NAB1: variants seen among roughly 807,000 people sequenced by gnomAD.
NAB1 encodes the protein NGFI-A-binding protein 1.
Under a neutral mutation model 49.9 loss-of-function variants are expected in NAB1, and 25 were observed. The observed-to-expected ratio is 0.50, with a 90% confidence interval of 0.37 to 0.70. The LOEUF is 0.70. Ranked by LOEUF, NAB1 falls within the 30% of genes least tolerant of loss-of-function variation. The pLI is 0.00. For synonymous variants in NAB1, 198 were observed against 215.6 expected, an observed-to-expected ratio of 0.92 and a Z score of 0.71; for missense variants, 489 against 575.9, an observed-to-expected ratio of 0.85 and a Z score of 1.54.
intron 2 of NAB1, among the ~76,000 whole-genome samples, chr2:190,650,951 A>G (rs1174483975): frequency 3.3e-5 from 5 of 152,206 alleles, no homozygotes; most frequent in African/African-American, 1.2e-4. Flanking sequence ...TTCTGGAAGA[A>G]GCTTTCTTGT....
Position 190,659,558 on chromosome 2 carries a change from C to T in NAB1, c.382C>T (p.Pro128Ser). The change falls in exon 4 of 10, where the codon CCC becomes TCC. Residue 128 changes from proline to serine, a missense_variant. By Grantham distance (74) the Pro-to-Ser change is moderately conservative. Transcript: ENST00000337386. The surrounding 1 kb of genome is among the most constrained non-coding windows in gnomAD (Gnocchi z 6.2). The part of the protein sequence containing the change: ...SNAREPHLKI[P>S]KCAATTCVQS... ...TGCCCGGGAACCTCATTTAAAAATC[C>T]CCAAATGTGCTGCCACCACCTGTGT... The T allele has an allele frequency of 6.2e-7, 1 of 1,614,186 alleles. No homozygotes were observed. Among genetic ancestry groups the T allele is most frequent in the Non-Finnish European group, 8.5e-7 (1 of 1,180,038 alleles).
intron 4 of NAB1, among the ~76,000 whole-genome samples, chr2:190,661,171 T>C (rs889868338): frequency 6.6e-6 from 1 of 152,198 alleles, no homozygotes; most frequent in Non-Finnish European, 1.5e-5. Flanking sequence ...GCTCAACTGA[T>C]AGAACTGTCT....
In NAB1 at chr2:190,654,166, C is replaced by T. The variant is rs1187200679; in HGVS notation, c.-196-1811C>T. Reference sequence around the variant, plus strand: ...AAAGAGTAATGAAACCTAATTCCTACCCTTGGGGTGCTTATAACCTAACAG... The same window carrying T: ...AAAGAGTAATGAAACCTAATTCCTATCCTTGGGGTGCTTATAACCTAACAG... On this transcript the variant is annotated intron_variant, in intron 2 of 9. Coordinates refer to ENST00000337386, the MANE Select transcript of NAB1 (RefSeq NM_005966.4). The surrounding 1 kb of genome is among the most constrained non-coding windows in gnomAD (Gnocchi z 5.6). Among the ~76,000 whole-genome samples the T allele has an allele frequency of 2.0e-5, 3 of 152,158 alleles. No homozygotes were observed. Among genetic ancestry groups the T allele is most frequent in the Non-Finnish European group, 4.4e-5 (3 of 68,026 alleles).
In NAB1 at chr2:190,689,062, G is replaced by C. The variant is rs541914571; in HGVS notation, c.1376-1183G>C. Among the ~76,000 whole-genome samples the C allele has an allele frequency of 6.6e-5, 10 of 152,150 alleles. No homozygotes were observed. Among genetic ancestry groups the C allele is most frequent in the African/African-American group, 2.2e-4 (9 of 41,508 alleles). ...ACCGTGGTCTCAATCTCCTGACCTT[G>C]TGATCCGCCCGCCTCGGCCCCACAA... is the stretch of plus-strand genomic sequence containing the variant. On this transcript the variant is annotated intron_variant, in intron 9 of 9. Coordinates refer to ENST00000337386, the MANE Select transcript of NAB1 (RefSeq NM_005966.4). This position sits in a 1 kb window ranked among gnomAD's most constrained non-coding sequence, Gnocchi z 4.3.
rs1695951866 is a variant in NAB1 at position 190,691,926 on chromosome 2, GA to G, written c.*1595del. 1 of 152,678 alleles carries G rather than the reference GA, an allele frequency of 6.5e-6. No homozygotes were observed. The highest frequency in any genetic ancestry group is 1.9e-4 in the East Asian group (1 of 5,190). 9.5% of individuals were successfully genotyped at this position (152,678 alleles called of 1,614,324 possible). A position where few individuals can be genotyped will look rare whatever the true frequency, so the allele number is the denominator to read the frequency against. ...AATTGCTTCTTCATTTTAATTTGTA[GA>G]AGTACTTTACAGTAGGAAACGCCAG... On this transcript the variant is annotated 3_prime_UTR_variant, in exon 10 of 10. Coordinates refer to ENST00000337386, the MANE Select transcript of NAB1 (RefSeq NM_005966.4). This position sits in a 1 kb window ranked among gnomAD's most constrained non-coding sequence, Gnocchi z 4.1.
chr2:190,688,571 C>T (rs761408533), intron 9 of NAB1, among the ~76,000 whole-genome samples: 5 of 152,024 alleles, frequency 3.3e-5, no homozygotes, highest in South Asian at 2.1e-4. Flanking sequence ...GAACAAAAAA[C>T]GACTTTTTAC....
In NAB1 at chr2:190,651,827, G is replaced by A. The variant is rs1323482353; in HGVS notation, c.-197+1845G>A. 6.6e-6 allele frequency among the ~76,000 whole-genome samples: 1 copy of A among 152,150 alleles called. No individual in the cohort carries two copies. Among genetic ancestry groups the A allele is most frequent in the African/African-American group, 2.4e-5 (1 of 41,426 alleles). ...ACCATTTTATAATATGTTTTGAACA[G>A]TTTAAGATCATGCTAATGTATAATC... On this transcript the variant is annotated intron_variant, in intron 2 of 9. Coordinates refer to ENST00000337386, the MANE Select transcript of NAB1 (RefSeq NM_005966.4). This position sits in a 1 kb window ranked among gnomAD's most constrained non-coding sequence, Gnocchi z 4.3.
chr2:190,664,586 CTTTTTTTTTTTTTT>C (rs71027237), intron 4 of NAB1, among the ~76,000 whole-genome samples: 18 of 61,092 alleles, frequency 2.9e-4, no homozygotes, highest in African/African-American at 1.1e-3. Context: ...TTCTTCTTTC[CTTTTTTTTTTTTTT>C]TTTTTTTTTT....
At chr2:190,660,146 T>G (rs879494991) in intron 4 of NAB1, 151 bp downstream of exon 4, 6 of 672,144 alleles carry the variant, frequency 8.9e-6, no homozygotes, top group Non-Finnish European at 1.5e-5. Context: ...AGCACTTTTG[T>G]GAAAATAGAC....
rs936261632 is a variant in NAB1, at chr2:190,657,477, G to A, written c.-20+1324G>A. Among the ~76,000 whole-genome samples the A allele has an allele frequency of 2.0e-5, 3 of 152,164 alleles. No homozygotes were observed. On this transcript the variant is annotated intron_variant, in intron 3 of 9. Transcript: ENST00000337386. The surrounding 1 kb of genome is among the most constrained non-coding windows in gnomAD (Gnocchi z 4.4). ...TGGAAGTCTCCTGAGATGCATCTCA[G>A]GCACCTGGGAAACTGTATTTTTCAA...
intron 3 of NAB1, 168 bp from the exon 4 acceptor site, chr2:190,658,990 T>C (rs1020473823): frequency 3.6e-6 from 2 of 554,098 alleles, no homozygotes; most frequent in Non-Finnish European, 6.3e-6. Context: ...ATAAGGTTTT[T>C]AGGAGTTCAG....
chr2:190,673,267 G>T, intron 6 of NAB1, 115 bp downstream of exon 6: 1 of 902,560 alleles, frequency 1.1e-6, no homozygotes, highest in Non-Finnish European at 1.8e-6. Context: ...AGTGAAAAAT[G>T]GCTTTCAATA....
rs1695538799 is a variant in NAB1, at chr2:190,685,048, G to A, written c.1096-428G>A. On this transcript the variant is annotated intron_variant, in intron 7 of 9. Coordinates refer to ENST00000337386, the MANE Select transcript of NAB1 (RefSeq NM_005966.4). This position sits in a 1 kb window ranked among gnomAD's most constrained non-coding sequence, Gnocchi z 4.5. ...ACACCTTTTCTCCCCCAAACATATT[G>A]TCATCATATCAGAGTCTGTGTACTG... Among the ~76,000 whole-genome samples, 1 of 152,112 alleles carries A rather than the reference G, an allele frequency of 6.6e-6. No individual in the cohort carries two copies. Among genetic ancestry groups the A allele is most frequent in the Admixed American group, 6.5e-5 (1 of 15,276 alleles).
chr2:190,662,808 A>G (rs141699732), intron 4 of NAB1, among the ~76,000 whole-genome samples: 2 of 152,354 alleles, frequency 1.3e-5, no homozygotes, highest in Middle Eastern at 3.4e-3. Context: ...CTCTAGAAAG[A>G]TAGGAAGGAG....
rs953802346 is a variant in NAB1 at position 190,683,593 on chromosome 2, T to C, written c.1006-145T>C. 58 of 587,578 alleles carry C rather than the reference T, an allele frequency of 9.9e-5. No individual in the cohort carries two copies. In the Middle Eastern group the frequency reaches 1.8e-3, roughly 18 times the overall value. The allele number at this position is 587,578 out of a possible 1,614,324, so 36.4% of individuals were successfully genotyped here. A position where few individuals can be genotyped will look rare whatever the true frequency, so the allele number is the denominator to read the frequency against. ...AAATAATGTATGTTTCATAAAAGGC[T>C]GAAATGAAATATTTTATAACCATTA... On this transcript the variant is annotated intron_variant, in intron 6 of 9. Coordinates refer to ENST00000337386, the MANE Select transcript of NAB1 (RefSeq NM_005966.4).
chr2:190,684,738 C>T lies in NAB1; in HGVS notation c.1096-738C>T, dbSNP rs1038013930. 6.6e-6 allele frequency among the ~76,000 whole-genome samples: 1 copy of T among 152,080 alleles called. No homozygotes were observed. Among genetic ancestry groups the T allele is most frequent in the Non-Finnish European group, 1.5e-5 (1 of 68,004 alleles). ...TATCTGTGCATTTTGACTATTATCT[C>T]CTTGGCAAAATACCACAAATACACT... On this transcript the variant is annotated intron_variant, in intron 7 of 9. Coordinates refer to ENST00000337386, the MANE Select transcript of NAB1 (RefSeq NM_005966.4). The surrounding 1 kb of genome is among the most constrained non-coding windows in gnomAD (Gnocchi z 4.6).
chr2:190,690,205 G>T, intron 9 of NAB1, 40 bp from the exon 10 acceptor site: 1 of 1,374,524 alleles, frequency 7.3e-7, no homozygotes, highest in South Asian at 1.2e-5. Flanking sequence ...GTAGTCCATT[G>T]ATTAAAATAT....
intron 6 of NAB1, among the ~76,000 whole-genome samples, chr2:190,681,440 A>G (rs1410628772): frequency 1.3e-5 from 2 of 152,004 alleles, no homozygotes; most frequent in Non-Finnish European, 1.5e-5. Flanking sequence ...AAACTTATTT[A>G]TAAGAAAACT....
intron 2 of NAB1, among the ~76,000 whole-genome samples, chr2:190,655,467 A>G (rs1309130578): frequency 1.3e-5 from 2 of 152,234 alleles, no homozygotes; most frequent in African/African-American, 4.8e-5. Context: ...GAATTCTTAG[A>G]ATATAATAGG....
Sources: gnomAD v4.1 joint callset for allele counts (sites outside exome capture counted in the v4.1 genomes callset) on GRCh38, gnomAD v4.1.1 for gene constraint, Gnocchi (gnomAD v3.1) non-coding constraint, MANE v1.5 for transcripts, NCBI Gene and HGNC (gene_info 2026-07-23, HGNC 2026-07-21) for gene names.